ESF1: variants seen among roughly 807,000 people sequenced by gnomAD.
The protein encoded by ESF1 is ESF1 homolog.
A neutral mutation model predicts 92.0 loss-of-function variants in ESF1; 58 were observed. The ratio of observed to expected loss-of-function variants is 0.63; its 90% CI spans 0.51 to 0.78. ESF1 has a LOEUF of 0.78. Among genes scored for constraint, ESF1 ranks in the 30% least tolerant of loss-of-function variants. ESF1 has a pLI of 0.00. For synonymous variants in ESF1, 321 were observed against 313.7 expected (o/e 1.02, Z -0.24); for missense variants, 922 against 989.1 (o/e 0.93, Z 0.91).
In ESF1 at chr20:13,776,264, T is replaced by C; in HGVS notation, c.644A>G (p.Gln215Arg). 1 of 1,608,288 alleles carries C rather than the reference T, an allele frequency of 6.2e-7. No individual in the cohort carries two copies. Among genetic ancestry groups the C allele is most frequent in the Non-Finnish European group, 8.5e-7 (1 of 1,177,324 alleles). The change falls in exon 3 of 14, where the codon CAA (glutamine) becomes CGA (arginine). Residue 215 changes from glutamine to arginine, a missense_variant. Gln to Arg is a conservative substitution (Grantham distance 43, BLOSUM62 1). Transcript: ENST00000617257. Reference protein sequence around the residue: ...KTRREMQSVVQLIMTRDSDGY... With the variant: ...KTRREMQSVVRLIMTRDSDGY... ...ATCACTGTCTCTTGTCATTATGAGT[T>C]GAACCACTGCAAAATGTTAAAGGGG...
intron 11 of ESF1, among the ~76,000 whole-genome samples, chr20:13,726,579 A>G (rs2049902208): frequency 6.6e-6 from 1 of 152,066 alleles, no homozygotes; most frequent in African/African-American, 2.4e-5. Flanking sequence ...TATATCTTCT[A>G]TTTCTTTCCT....
chr20:13,772,631 T>C lies in ESF1; in HGVS notation c.1150-16A>G, dbSNP rs1056284513. ...AAGGATATATCTAAACAGAAAAAAATAGGATCAATGTAATTTGTACATTCC... is the reference window on the plus strand; with the variant it reads ...AAGGATATATCTAAACAGAAAAAAACAGGATCAATGTAATTTGTACATTCC... On this transcript the variant is annotated splice_polypyrimidine_tract_variant and intron_variant, in intron 4 of 13. Coordinates refer to ENST00000617257, the MANE Select transcript of ESF1 (RefSeq NM_001276380.2). 6.5e-6 allele frequency: 10 copies of C among 1,549,150 alleles called. No homozygotes were observed. In the East Asian group the frequency reaches 2.0e-4, roughly 31 times the overall value.
intron 9 of ESF1, among the ~76,000 whole-genome samples, chr20:13,738,217 A>C (rs1398885015): frequency 2.0e-5 from 3 of 152,224 alleles, no homozygotes; most frequent in African/African-American, 7.2e-5. Context: ...CCAAGTGATC[A>C]ATCTTTCAAA....
intron 6 of ESF1, among the ~76,000 whole-genome samples, chr20:13,770,828 G>GT (rs1395600758): frequency 2.6e-5 from 4 of 152,214 alleles, no homozygotes; most frequent in Non-Finnish European, 5.9e-5. Context: ...AGAACTTTCT[G>GT]TGACAAGGGC....
At chr20:13,781,839 CTTATT>C (rs747160422) in intron 2 of ESF1, among the ~76,000 whole-genome samples, 2 of 152,170 alleles carry the variant, frequency 1.3e-5, no homozygotes, top group African/African-American at 2.4e-5. Context: ...TACTTACCCT[CTTATT>C]TTATTTTTGA....
At chr20:13,770,821 A>G (rs1979649377) in intron 6 of ESF1, among the ~76,000 whole-genome samples, 1 of 152,220 alleles carries the variant, frequency 6.6e-6, no homozygotes, top group African/African-American at 2.4e-5. Flanking sequence ...GTCCAACAGA[A>G]CTTTCTGTGA....
intron 9 of ESF1, among the ~76,000 whole-genome samples, chr20:13,754,098 ACTGTCT>A (rs1978765850): frequency 6.6e-6 from 1 of 152,082 alleles, no homozygotes; most frequent in South Asian, 2.1e-4. Context: ...GCCTCTACTT[ACTGTCT>A]CTAATTCTTC....
At chr20:13,767,692 A>G (rs1184065799) in intron 7 of ESF1, among the ~76,000 whole-genome samples, 1 of 152,228 alleles carries the variant, frequency 6.6e-6, no homozygotes, top group East Asian at 1.9e-4. Context: ...CACTGATGAG[A>G]AAAGCATCTA....
In ESF1 at chr20:13,780,100, C is replaced by T. The variant is rs13043357; in HGVS notation, c.637+2404G>A. On this transcript the variant is annotated intron_variant, in intron 2 of 13. Coordinates refer to ENST00000617257, the MANE Select transcript of ESF1 (RefSeq NM_001276380.2). Reference sequence around the variant, plus strand: ...GTGTAATCCTTATTTATGAGTAATGCCTTTCCTAGACTGTGGAACCAACAA... The same window carrying T: ...GTGTAATCCTTATTTATGAGTAATGTCTTTCCTAGACTGTGGAACCAACAA... Among the ~76,000 whole-genome samples, 1,074 of 152,194 alleles carry T rather than the reference C, an allele frequency of 7.1e-3. 4 individuals are homozygous for T. The highest frequency in any genetic ancestry group is 0.011 in the Non-Finnish European group (733 of 68,012).
At chr20:13,720,371 T>G (rs760313869) in intron 11 of ESF1, among the ~76,000 whole-genome samples, 1 of 152,156 alleles carries the variant, frequency 6.6e-6, no homozygotes, top group Non-Finnish European at 1.5e-5. Context: ...CAAGTCATCT[T>G]TGGAACAATA....
chr20:13,752,431 C>T (rs961880319), intron 9 of ESF1, among the ~76,000 whole-genome samples: 32 of 152,250 alleles, frequency 2.1e-4, no homozygotes, highest in African/African-American at 7.7e-4. Flanking sequence ...CCATTTAATG[C>T]CCTCTTCTAT....
intron 1 of ESF1, among the ~76,000 whole-genome samples, chr20:13,784,143 G>A (rs778410271): frequency 6.6e-5 from 10 of 152,226 alleles, no homozygotes; most frequent in Admixed American, 1.3e-4. Flanking sequence ...AGGCCCAAGT[G>A]AGCTCATTCC....
intron 2 of ESF1, among the ~76,000 whole-genome samples, chr20:13,778,191 G>A (rs986727649): frequency 6.6e-6 from 1 of 152,118 alleles, no homozygotes; most frequent in Non-Finnish European, 1.5e-5. Context: ...AGAAGGAAAA[G>A]CAGGAAATGG....
chr20:13,762,705 T>C, intron 8 of ESF1: 1 of 289,832 alleles, frequency 3.5e-6, no homozygotes, highest in Non-Finnish European at 6.6e-6. Context: ...AAATATTCAG[T>C]AGCTTTAAGG....
intron 9 of ESF1, among the ~76,000 whole-genome samples, chr20:13,758,351 C>A (rs890044141): frequency 3.3e-5 from 5 of 152,154 alleles, no homozygotes; most frequent in Admixed American, 6.5e-5. Flanking sequence ...CACCAGTAAA[C>A]TTCATTCGTT....
At chr20:13,742,676 GGAT>G (rs2050022896) in intron 9 of ESF1, among the ~76,000 whole-genome samples, 1 of 151,936 alleles carries the variant, frequency 6.6e-6, no homozygotes, top group East Asian at 1.9e-4. Context: ...GAAGTTAAAT[GGAT>G]GACCTACAGC....
At chr20:13,734,271 C>T (rs897031260) in intron 9 of ESF1, among the ~76,000 whole-genome samples, 18 of 152,152 alleles carry the variant, frequency 1.2e-4, no homozygotes, top group Non-Finnish European at 2.5e-4. Context: ...TAATTATCCC[C>T]ACTTGCTTCT....
At position 13,769,960 on chromosome 20, in the gene ESF1, A is replaced by T. The variant is rs997706382; in HGVS notation, c.1465T>A (p.Leu489Ile). The T allele has an allele frequency of 1.9e-6, 3 of 1,612,614 alleles. No homozygotes were observed. Among genetic ancestry groups the T allele is most frequent in the Middle Eastern group, 1.9e-4 (1 of 5,284 alleles). Residue 489 changes from leucine to isoleucine, a missense_variant, in exon 7 of 14, where the codon TTA becomes ATA. Leu to Ile is a conservative substitution (Grantham distance 5). Transcript: ENST00000617257. ...AAATATTTTGGTTTATATGCTGTTA[A>T]ATTCACTTCTGAGGCTACATCCTTA... ...EPKDVASEVNLTAYKPKYFTS... is the reference protein window; with the variant it reads ...EPKDVASEVNITAYKPKYFTS...
intron 11 of ESF1, among the ~76,000 whole-genome samples, chr20:13,723,186 A>G (rs752671502): frequency 6.6e-6 from 1 of 152,146 alleles, no homozygotes. Context: ...AGAAGCTAAG[A>G]AAGTTCACTG....
Sources: allele counts gnomAD v4.1 joint callset (sites outside exome capture counted in the v4.1 genomes callset), GRCh38; gene constraint gnomAD v4.1.1; transcripts MANE v1.5; gene names NCBI Gene and HGNC (gene_info 2026-07-23, HGNC 2026-07-21).